The following MARCHF1 variants were observed in gnomAD, a reference collection of about 807,000 sequenced individuals.
MARCHF1 encodes membrane associated ring-CH-type finger 1.
MARCHF1 carries 40 observed loss-of-function variants against 54.2 expected under a neutral mutation model. The observed-to-expected ratio is 0.74, with a 90% CI of 0.57 to 0.96. The LOEUF is 0.96. Among genes scored for constraint, MARCHF1 ranks in the 40% least tolerant of loss-of-function variants. MARCHF1 has a pLI of 0.00. For missense variants in MARCHF1, 586 were observed against 656.5 expected (o/e 0.89, Z 1.17); for synonymous variants, 236 against 236.3 (o/e 1.00, Z 0.01).
intron 1 of MARCHF1, among the ~76,000 whole-genome samples, chr4:164,242,045 A>T (rs185295946): frequency 1.8e-4 from 27 of 152,290 alleles, no homozygotes; most frequent in East Asian, 9.7e-4. Context: ...GCAGCGAGGC[A>T]GGGGGAGGGG....
intron 1 of MARCHF1, among the ~76,000 whole-genome samples, chr4:164,136,272 GAAAAA>G (rs5863663): frequency 8.2e-6 from 1 of 121,520 alleles, no homozygotes; most frequent in African/African-American, 3.2e-5. Context: ...AGTTGAAGTG[GAAAAA>G]AAAAAAAAAA....
chr4:164,226,818 A>AT (rs1309276916), intron 1 of MARCHF1, among the ~76,000 whole-genome samples: 4 of 151,890 alleles, frequency 2.6e-5, no homozygotes, highest in Non-Finnish European at 5.9e-5. Flanking sequence ...TCCTAGTGAA[A>AT]TTTTTTACCC....
chr4:163,663,258 G>T (rs1487343961), intron 5 of MARCHF1, among the ~76,000 whole-genome samples: 4 of 140,566 alleles, frequency 2.8e-5, no homozygotes. Flanking sequence ...CTGTTTAAGT[G>T]TACATCCCAC....
At chr4:164,065,037 C>T (rs1352183072) in intron 2 of MARCHF1, among the ~76,000 whole-genome samples, 1 of 152,120 alleles carries the variant, frequency 6.6e-6, no homozygotes, top group Non-Finnish European at 1.5e-5. Context: ...TGATGTGTTG[C>T]TGGATTCGGT....
At chr4:164,017,222 A>G (rs187800234) in intron 2 of MARCHF1, among the ~76,000 whole-genome samples, 3 of 152,216 alleles carry the variant, frequency 2.0e-5, no homozygotes, top group Admixed American at 2.0e-4. Flanking sequence ...ACACTTAATG[A>G]TTAACAAACA....
chr4:163,932,256 A>T (rs768456063), intron 3 of MARCHF1, among the ~76,000 whole-genome samples: 11 of 152,166 alleles, frequency 7.2e-5, no homozygotes, highest in Non-Finnish European at 1.6e-4. Flanking sequence ...TGTGCCAATT[A>T]CTTGAAATAA....
intron 3 of MARCHF1, among the ~76,000 whole-genome samples, chr4:163,921,534 G>GA (rs1751430162): frequency 6.6e-6 from 1 of 152,126 alleles, no homozygotes; most frequent in Non-Finnish European, 1.5e-5. Context: ...AAAACTTGAA[G>GA]AGAGTACAGT....
chr4:164,380,963 ACGTTTCGCTCTATCAT>A (rs1193734089), intron 1 of MARCHF1, among the ~76,000 whole-genome samples: 4 of 152,340 alleles, frequency 2.6e-5, no homozygotes, highest in Admixed American at 2.0e-4. Context: ...TGGGTAAAGG[ACGTTTCGCTCTATCAT>A]AGAGGTCCTA....
intron 1 of MARCHF1, among the ~76,000 whole-genome samples, chr4:164,158,726 C>T (rs1027049437): frequency 6.6e-6 from 1 of 152,084 alleles, no homozygotes; most frequent in Non-Finnish European, 1.5e-5. Flanking sequence ...CCACATGCAT[C>T]CTCTCCCCAG....
intron 2 of MARCHF1, among the ~76,000 whole-genome samples, chr4:164,068,601 C>T (rs1335440980): frequency 3.3e-5 from 5 of 152,200 alleles, no homozygotes; most frequent in African/African-American, 1.2e-4. Context: ...CGGGGCAGCA[C>T]TCGGGACCTG....
At chr4:164,081,220 A>AAAAAAG (rs1755093132) in intron 2 of MARCHF1, among the ~76,000 whole-genome samples, 1 of 141,228 alleles carries the variant, frequency 7.1e-6, no homozygotes, top group Non-Finnish European at 1.5e-5. Flanking sequence ...AAAAAAAAAA[A>AAAAAAG]AAAAAAAAAA....
At chr4:164,180,767 ATAAG>A (rs1209706962) in intron 1 of MARCHF1, among the ~76,000 whole-genome samples, 2 of 152,210 alleles carry the variant, frequency 1.3e-5, no homozygotes, top group African/African-American at 2.4e-5. Flanking sequence ...TTAGTAAGTA[ATAAG>A]TAATACAATT....
rs13107481 is a variant in MARCHF1, at chr4:163,755,276, C to T, written c.112-54413G>A. On this transcript the variant is annotated intron_variant, in intron 4 of 9. Transcript: ENST00000514618. ...AAATATGTACAGGGAGATTGCTGCC[C>T]CCTACTGATTAGCTTATAGCACACA... Among the ~76,000 whole-genome samples the T allele has an allele frequency of 7.0e-3, 1,065 of 152,168 alleles. 6 individuals are homozygous for T. Among genetic ancestry groups the T allele is most frequent in the Middle Eastern group, 0.014 (4 of 294 alleles).
At chr4:163,605,907 G>A (rs538875066) in intron 7 of MARCHF1, among the ~76,000 whole-genome samples, 7 of 152,176 alleles carry the variant, frequency 4.6e-5, no homozygotes, top group East Asian at 1.9e-4. Flanking sequence ...GGCCTGTTGC[G>A]GGTTGGGGGG....
At chr4:164,156,976 C>T (rs1249145515) in intron 1 of MARCHF1, among the ~76,000 whole-genome samples, 1 of 152,114 alleles carries the variant, frequency 6.6e-6, no homozygotes, top group African/African-American at 2.4e-5. Flanking sequence ...CATTCTGCAC[C>T]TAAACAATGA....
chr4:163,835,329 T>C (rs980531979), intron 4 of MARCHF1, among the ~76,000 whole-genome samples: 1 of 152,222 alleles, frequency 6.6e-6, no homozygotes, highest in Non-Finnish European at 1.5e-5. Flanking sequence ...GAAATCTATT[T>C]AAATAGGCAG....
intron 1 of MARCHF1, among the ~76,000 whole-genome samples, chr4:164,229,534 T>G (rs1471225545): frequency 6.6e-6 from 1 of 152,132 alleles, no homozygotes; most frequent in Non-Finnish European, 1.5e-5. Flanking sequence ...CAGGCTGGAG[T>G]GCAGTGACAC....
intron 8 of MARCHF1, among the ~76,000 whole-genome samples, chr4:163,571,720 G>C (rs566973638): frequency 1.3e-5 from 2 of 152,182 alleles, no homozygotes; most frequent in East Asian, 1.9e-4. Context: ...TAACTAAACT[G>C]ATTTGCTCAG....
At chr4:164,016,324 G>T (rs1273634075) in intron 2 of MARCHF1, among the ~76,000 whole-genome samples, 1 of 152,100 alleles carries the variant, frequency 6.6e-6, no homozygotes, top group East Asian at 1.9e-4. Flanking sequence ...CAGATCTCAT[G>T]AGAACTCACT....
Sources: allele counts gnomAD v4.1 joint callset (sites outside exome capture counted in the v4.1 genomes callset), GRCh38; gene constraint gnomAD v4.1.1; transcripts MANE v1.5; gene names NCBI Gene and HGNC (gene_info 2026-07-23, HGNC 2026-07-21).